Variants in HSD17B4 observed in about 807,000 individuals in gnomAD.
HSD17B4 encodes peroxisomal multifunctional enzyme type 2.
Under a neutral mutation model 101.0 loss-of-function variants are expected in HSD17B4, and 70 were observed. That is an observed-to-expected ratio of 0.69 (90% CI 0.57 to 0.85). The LOEUF is 0.85. Among genes scored for constraint, HSD17B4 ranks in the 40% least tolerant of loss-of-function variants. HSD17B4 has a pLI of 0.00. For missense variants in HSD17B4, 984 were observed against 892.4 expected (o/e 1.10, Z -1.31); for synonymous variants, 347 against 297.1 (o/e 1.17, Z -1.73).
chr5:119,507,339 T>A (rs1169982916), intron 15 of HSD17B4, among the ~76,000 whole-genome samples: 2 of 152,212 alleles, frequency 1.3e-5, no homozygotes, highest in Non-Finnish European at 2.9e-5. Flanking sequence ...CTCCTAGACT[T>A]GTGCTTTTAT....
chr5:119,514,333 G>A (rs1752426141), intron 16 of HSD17B4, among the ~76,000 whole-genome samples: 1 of 152,090 alleles, frequency 6.6e-6, no homozygotes, highest in South Asian at 2.1e-4. Context: ...TTACTTTGTT[G>A]TGGAAAATTT....
At chr5:119,518,279 G>A (rs1385688522) in intron 17 of HSD17B4, among the ~76,000 whole-genome samples, 2 of 151,926 alleles carry the variant, frequency 1.3e-5, no homozygotes, top group African/African-American at 2.4e-5. Context: ...CACTCACCGC[G>A]AAGGTCTGCA....
intron 8 of HSD17B4, among the ~76,000 whole-genome samples, chr5:119,487,620 TA>T (rs561710882): frequency 6.6e-6 from 1 of 152,258 alleles, no homozygotes; most frequent in South Asian, 2.1e-4. Context: ...AAGGCAGACG[TA>T]TTTTTTTGTA....
chr5:119,493,136 A>C (rs1750271703), intron 10 of HSD17B4: 2 of 152,268 alleles, frequency 1.3e-5, no homozygotes, highest in Admixed American at 1.3e-4. Context: ...GTCATTCCCA[A>C]AGACAAATCT....
intron 11 of HSD17B4, among the ~76,000 whole-genome samples, chr5:119,495,259 A>C (rs1242421262): frequency 2.0e-5 from 3 of 152,196 alleles, no homozygotes; most frequent in Non-Finnish European, 2.9e-5. Context: ...CTTTCCTCTG[A>C]TATTTATCTC....
intron 14 of HSD17B4, among the ~76,000 whole-genome samples, chr5:119,503,079 T>TGC (rs1300127797): frequency 3.8e-3 from 395 of 103,614 alleles, no homozygotes; most frequent in African/African-American, 0.011. Context: ...TTGGAAATTG[T>TGC]GTGTGTGTGT....
At chr5:119,487,973 A>G (rs562795365) in intron 8 of HSD17B4, among the ~76,000 whole-genome samples, 2 of 152,292 alleles carry the variant, frequency 1.3e-5, no homozygotes, top group South Asian at 2.1e-4. Context: ...TTTAGAGGCT[A>G]TAAAGTGAAG....
intron 16 of HSD17B4, among the ~76,000 whole-genome samples, chr5:119,509,944 G>C (rs1187923222): frequency 1.3e-5 from 2 of 152,210 alleles, no homozygotes; most frequent in African/African-American, 2.4e-5. Flanking sequence ...TAGGCTATCA[G>C]TTGTTAAGAT....
intron 10 of HSD17B4, chr5:119,493,362 A>T (rs566698158): frequency 5.0e-5 from 8 of 160,914 alleles, no homozygotes; most frequent in Admixed American, 4.8e-4. Flanking sequence ...CACCTGTTAC[A>T]CTAAATTTTT....
intron 2 of HSD17B4, among the ~76,000 whole-genome samples, chr5:119,468,294 G>T (rs781044758): frequency 6.6e-6 from 1 of 152,026 alleles, no homozygotes; most frequent in Non-Finnish European, 1.5e-5. Context: ...CTTTTAAGAC[G>T]GGTCTAGTGG....
chr5:119,452,656 C>T (rs1402313544), intron 1 of HSD17B4, 23 bp downstream of exon 1: 3 of 1,613,488 alleles, frequency 1.9e-6, no homozygotes, highest in Non-Finnish European at 2.5e-6. Flanking sequence ...AGGTTGGAGG[C>T]CGCGCCCCTT....
At chr5:119,527,340 A>G in intron 20 of HSD17B4, 121 bp downstream of exon 20, 1 of 654,212 alleles carries the variant, frequency 1.5e-6, no homozygotes, top group Non-Finnish European at 2.8e-6. Flanking sequence ...ATTTTAATTA[A>G]AAATAAGATA....
intron 16 of HSD17B4, 56 bp from the exon 17 acceptor site, chr5:119,514,925 A>G: frequency 1.0e-6 from 1 of 990,094 alleles, no homozygotes; most frequent in Non-Finnish European, 1.6e-6. Flanking sequence ...GAGTTTGGTT[A>G]AAGAGAATAA....
intron 2 of HSD17B4, among the ~76,000 whole-genome samples, chr5:119,458,804 G>A (rs1754928818): frequency 6.6e-6 from 1 of 151,940 alleles, no homozygotes; most frequent in Admixed American, 6.5e-5. Flanking sequence ...ATTTGCTTTT[G>A]TGTAAATTAC....
chr5:119,456,271 T>C (rs1467261591), intron 1 of HSD17B4, 44 bp from the exon 2 acceptor site: 2 of 1,409,150 alleles, frequency 1.4e-6, no homozygotes, highest in South Asian at 2.3e-5. Context: ...AAAAAAATTA[T>C]GCTGACATTT....
chr5:119,530,062 G>A (rs571196775), intron 21 of HSD17B4, 82 bp downstream of exon 21: 13 of 828,700 alleles, frequency 1.6e-5, no homozygotes, highest in Middle Eastern at 2.2e-4. Flanking sequence ...GTTAGGCTAC[G>A]TTAGAAAATT....
intron 13 of HSD17B4, among the ~76,000 whole-genome samples, chr5:119,500,634 T>G (rs866445416): frequency 3.9e-5 from 6 of 151,964 alleles, no homozygotes; most frequent in Middle Eastern, 3.2e-3. Context: ...TACTGGAGAT[T>G]AGATGAAGTC....
chr5:119,464,862 G>A (rs1454851829), intron 2 of HSD17B4, among the ~76,000 whole-genome samples: 1 of 152,176 alleles, frequency 6.6e-6, no homozygotes, highest in Non-Finnish European at 1.5e-5. Flanking sequence ...CTGAAGTGCT[G>A]GGATTATAGG....
At chr5:119,471,549 T>TA in intron 2 of HSD17B4, 14 of 525,428 alleles carry the variant, frequency 2.7e-5, no homozygotes, top group South Asian at 1.2e-4. Flanking sequence ...AAATCTTGTT[T>TA]AAAAAAAATT....
Sources: gnomAD v4.1 joint callset for allele counts (sites outside exome capture counted in the v4.1 genomes callset) on GRCh38, gnomAD v4.1.1 for gene constraint, MANE v1.5 for transcripts, NCBI Gene and HGNC (gene_info 2026-07-23, HGNC 2026-07-21) for gene names.